Variants in EGF observed in about 807,000 individuals in gnomAD.
The protein encoded by EGF is epidermal growth factor.
In EGF, 95 loss-of-function variants were observed where a neutral mutation model predicts 143.8. The observed-to-expected ratio is 0.66, with a 90% CI of 0.56 to 0.78. The LOEUF is 0.78. Ranked by LOEUF, EGF falls within the 30% of genes least tolerant of loss-of-function variation. EGF has a pLI of 0.00. For missense variants in EGF, 1,320 were observed against 1,470.9 expected (o/e 0.90, Z 1.68); for synonymous variants, 510 against 510.5 (o/e 1.00, Z 0.01).
intron 1 of EGF, among the ~76,000 whole-genome samples, chr4:109,918,249 G>A (rs1737046957): frequency 7.3e-6 from 1 of 137,552 alleles, no homozygotes; most frequent in Non-Finnish European, 1.5e-5. Flanking sequence ...TTGATTGCTA[G>A]GTGTGGTTTT....
intron 18 of EGF, among the ~76,000 whole-genome samples, chr4:109,991,020 G>T (rs149024492): frequency 6.6e-6 from 1 of 152,240 alleles, no homozygotes; most frequent in Non-Finnish European, 1.5e-5. Flanking sequence ...GATGGGTTGG[G>T]TTACCTCTGC....
At chr4:110,004,446 G>C in intron 21 of EGF, 59 bp from the exon 22 acceptor site, 1 of 1,444,140 alleles carries the variant, frequency 6.9e-7, no homozygotes, top group South Asian at 1.1e-5. Flanking sequence ...GATCATCACT[G>C]AGTGGGCTGA....
intron 4 of EGF, 140 bp from the exon 5 acceptor site, chr4:109,944,933 T>TA (rs1304316882): frequency 2.4e-5 from 21 of 886,820 alleles, no homozygotes; most frequent in Middle Eastern, 3.3e-4. Context: ...AAACTTAATA[T>TA]ACTTTTCTAA....
At chr4:110,008,792 C>A (rs1392302849) in intron 23 of EGF, among the ~76,000 whole-genome samples, 6 of 152,176 alleles carry the variant, frequency 3.9e-5, no homozygotes, top group Non-Finnish European at 7.4e-5. Flanking sequence ...TTCTCAGGAA[C>A]TCAGTCTACT....
rs1560691775 is a variant in EGF, at chr4:109,959,422, C to T, written c.1051C>T (p.Arg351Trp). ...AGAGGGATACGCCCTAAGTCGAGACCGGAAGTACTGTGAAGGTAATGACTG... is the reference window on the plus strand; with the variant it reads ...AGAGGGATACGCCCTAAGTCGAGACTGGAAGTACTGTGAAGGTAATGACTG... ...CAEGYALSRD[R>W]KYCEDVNECA... The change falls in exon 6 of 24, where the codon CGG (arginine) becomes TGG (tryptophan). Residue 351 changes from arginine to tryptophan, a missense_variant. Coordinates refer to ENST00000265171, the MANE Select transcript of EGF (RefSeq NM_001963.6). 7 of 1,613,824 alleles carry T rather than the reference C, an allele frequency of 4.3e-6. No homozygotes were observed. Among genetic ancestry groups the T allele is most frequent in the East Asian group, 2.2e-5 (1 of 44,868 alleles).
chr4:109,988,447 G>T (rs1006285354), intron 17 of EGF, 137 bp from the exon 18 acceptor site: 9 of 1,247,880 alleles, frequency 7.2e-6, no homozygotes, highest in African/African-American at 1.5e-5. Context: ...AAGATGCAGG[G>T]CGTGCCTGAT....
chr4:109,970,627 C>A (rs774189131), intron 11 of EGF, among the ~76,000 whole-genome samples: 1 of 151,880 alleles, frequency 6.6e-6, no homozygotes, highest in Non-Finnish European at 1.5e-5. Context: ...GAGATCGAGA[C>A]CATCCTGGCT....
intron 19 of EGF, among the ~76,000 whole-genome samples, chr4:109,993,802 C>T (rs960965157): frequency 6.6e-6 from 1 of 152,044 alleles, no homozygotes; most frequent in Admixed American, 6.5e-5. Flanking sequence ...AACTCCAGCT[C>T]TCTTCTCTTT....
chr4:109,983,648 CA>C, intron 16 of EGF, 107 bp downstream of exon 16: 1 of 1,486,926 alleles, frequency 6.7e-7, no homozygotes. Context: ...AAGTTCTACA[CA>C]AGGCTAATGA....
At chr4:109,985,178 G>C (rs1479242914) in intron 16 of EGF, among the ~76,000 whole-genome samples, 1 of 152,172 alleles carries the variant, frequency 6.6e-6, no homozygotes, top group Non-Finnish European at 1.5e-5. Context: ...CTTAATACCT[G>C]GAGCCTAGTA....
At chr4:109,977,631 G>A (rs1054285116) in intron 13 of EGF, 1 of 152,134 alleles carries the variant, frequency 6.6e-6, no homozygotes, top group Non-Finnish European at 1.5e-5. Context: ...TAGAGCCCAG[G>A]AGTTCGAGTC....
intron 1 of EGF, among the ~76,000 whole-genome samples, chr4:109,916,741 A>G (rs1736727606): frequency 2.0e-5 from 2 of 99,842 alleles, no homozygotes; most frequent in Non-Finnish European, 3.5e-5. Flanking sequence ...CCGAGATTCT[A>G]TTAATGTTTT....
At chr4:109,950,351 C>T (rs926996917) in intron 5 of EGF, among the ~76,000 whole-genome samples, 4 of 152,132 alleles carry the variant, frequency 2.6e-5, no homozygotes, top group African/African-American at 9.7e-5. Flanking sequence ...TCACTCTCAT[C>T]CCATGAAATC....
In EGF at chr4:109,980,845, T is replaced by C. The variant is rs531168544; in HGVS notation, c.2241T>C (p.Tyr747=). 3.1e-5 allele frequency: 50 copies of C among 1,614,088 alleles called. 2 individuals are homozygous for C. The South Asian group carries it at 5.5e-4, about 18-fold the overall frequency. ...LAKPGADPCL[Y]QNGGCEHICK... is the part of the protein sequence containing the mutation. The stretch of plus-strand genomic sequence containing the variant: ...TACTAGGAGCAGATCCCTGCTTATA[T>C]CAAAACGGAGGCTGTGAACATATTT... Residue 747 remains tyrosine (Y), a synonymous_variant, in exon 15 of 24, where the codon TAT becomes TAC. Transcript: ENST00000265171.
At chr4:109,995,866 G>C (rs77538414) in intron 20 of EGF, among the ~76,000 whole-genome samples, 312 of 152,250 alleles carry the variant, frequency 2.0e-3, no homozygotes, top group African/African-American at 6.8e-3. Context: ...AAAGTGTATG[G>C]CCTTGCACTA....
At chr4:109,961,010 T>C in intron 7 of EGF, 21 bp downstream of exon 7, 1 of 1,613,004 alleles carries the variant, frequency 6.2e-7, no homozygotes, top group Non-Finnish European at 8.5e-7. Flanking sequence ...GCAACAAGTA[T>C]TTATTGCATT....
chr4:109,949,936 C>T (rs181652777), intron 5 of EGF, among the ~76,000 whole-genome samples: 23 of 152,216 alleles, frequency 1.5e-4, no homozygotes, highest in East Asian at 9.7e-4. Flanking sequence ...CTGCATGCTG[C>T]GCCCCAAGTC....
chr4:109,950,757 C>T lies in EGF; in HGVS notation c.940+5482C>T, dbSNP rs183353801. Reference sequence around the variant, plus strand: ...CCACCTCCGTCCCTTCACCAGCTGTCTCTCCTCATCCTCTGAGAAACAGCT... The same window carrying T: ...CCACCTCCGTCCCTTCACCAGCTGTTTCTCCTCATCCTCTGAGAAACAGCT... On this transcript the variant is annotated intron_variant, in intron 5 of 23. Coordinates refer to ENST00000265171, the MANE Select transcript of EGF (RefSeq NM_001963.6). Among the ~76,000 whole-genome samples, 87 of 152,338 alleles carry T rather than the reference C, an allele frequency of 5.7e-4. 1 individual carries two copies. The highest frequency in any genetic ancestry group is 1.9e-3 in the African/African-American group (81 of 41,560).
rs899459812 is a variant in EGF, at chr4:110,008,173, C to G, written c.3313C>G (p.Gln1105Glu). The change falls in exon 23 of 24, where the codon CAA (glutamine) becomes GAA (glutamate). Residue 1105 changes from glutamine (Q) to glutamate (E), a missense_variant. Gln to Glu is a conservative substitution (Grantham distance 29, BLOSUM62 2). Transcript: ENST00000265171. ...QPWFVVIKEH[Q>E]DLKNGGQPVA... The stretch of plus-strand genomic sequence containing the variant: ...GCAGTTTGTGGTTATAAAAGAACAC[C>G]AAGACCTCAAGAATGGGGGTCAACC... The G allele has an allele frequency of 7.4e-6, 12 of 1,613,866 alleles. No homozygotes were observed. The highest frequency in any genetic ancestry group is 1.0e-5 in the Non-Finnish European group (12 of 1,179,948).
Sources: gnomAD v4.1 joint callset for allele counts (sites outside exome capture counted in the v4.1 genomes callset) on GRCh38, gnomAD v4.1.1 for gene constraint, MANE v1.5 for transcripts, NCBI Gene and HGNC (gene_info 2026-07-23, HGNC 2026-07-21) for gene names.